Variants in HOXB1 observed in about 807,000 individuals in gnomAD.
HOXB1 encodes homeobox B1.
Under a neutral mutation model 26.9 loss-of-function variants are expected in HOXB1, and 13 were observed. The ratio of observed to expected loss-of-function variants is 0.48; its 90% CI spans 0.31 to 0.77. The LOEUF is 0.77. Ranked by LOEUF, HOXB1 falls within the 30% of genes least tolerant of loss-of-function variation. The pLI, the probability that HOXB1 is intolerant of heterozygous loss-of-function variation, is 0.04. For missense variants in HOXB1, 366 were observed against 403.6 expected (o/e 0.91, Z 0.80); for synonymous variants, 168 against 170.8 (o/e 0.98, Z 0.13).
rs138341371 is a variant in HOXB1, at chr17:48,530,378, G to T, written c.527C>A (p.Thr176Lys). 6.2e-7 allele frequency: 1 copy of T among 1,614,148 alleles called. No individual in the cohort carries two copies. The highest frequency in any genetic ancestry group is 1.3e-5 in the African/African-American group (1 of 75,032). ...CTTCATCCAGTCGAAGGTCCGGGCC[G>T]TGGGGGTGTTAGGTTCTGAAGGGCA... ...TPCPSEPNTP[T>K]ARTFDWMKVK... Residue 176 changes from threonine (T) to lysine (K), a missense_variant, in exon 1 of 2, where the codon ACG becomes AAG. Transcript: ENST00000239174. The surrounding 1 kb of genome is among the most constrained non-coding windows in gnomAD (Gnocchi z 6.2).
Position 48,530,834 on chromosome 17 carries a change from G to A in HOXB1, c.71C>T (p.Ala24Val). 6.4e-7 allele frequency: 1 copy of A among 1,571,588 alleles called. No homozygotes were observed. Among genetic ancestry groups the A allele is most frequent in the Non-Finnish European group, 8.6e-7 (1 of 1,162,430 alleles). Reference sequence around the variant, plus strand: ...GGGAAAGGAGGTTGGGGCGCTGTGGGCGCTGTAGGCGCTGGGTCCCCGGTT... The same window carrying A: ...GGGAAAGGAGGTTGGGGCGCTGTGGACGCTGTAGGCGCTGGGTCCCCGGTT... ...LCNRGPSAYS[A>V]HSAPTSFPPS... is the part of the protein sequence containing the mutation. The change falls in exon 1 of 2, where the codon GCC (alanine) becomes GTC (valine). Residue 24 changes from alanine (A) to valine (V), a missense_variant. Transcript: ENST00000239174. This position sits in a 1 kb window ranked among gnomAD's most constrained non-coding sequence, Gnocchi z 6.2.
chr17:48,530,862 A>C lies in HOXB1; in HGVS notation c.43T>G (p.Cys15Gly). ...CTGTAGGCGCTGGGTCCCCGGTTACAGAGTGGGTACTCTAAGAAGGAGTTC... is the reference window on the plus strand; with the variant it reads ...CTGTAGGCGCTGGGTCCCCGGTTACCGAGTGGGTACTCTAAGAAGGAGTTC... ...RMNSFLEYPL[C>G]NRGPSAYSAH... Residue 15 changes from cysteine (C) to glycine (G), a missense_variant, in exon 1 of 2, where the codon TGT becomes GGT. Coordinates refer to ENST00000239174, the MANE Select transcript of HOXB1 (RefSeq NM_002144.4). This position sits in a 1 kb window ranked among gnomAD's most constrained non-coding sequence, Gnocchi z 6.2. The C allele has an allele frequency of 1.3e-6, 2 of 1,547,080 alleles. No individual in the cohort carries two copies. Among genetic ancestry groups the C allele is most frequent in the Non-Finnish European group, 8.7e-7 (1 of 1,151,278 alleles).
Position 48,530,951 on chromosome 17 carries a change from T to C in HOXB1, c.-47A>G. ...CGGCCCGTTTGGGGGAGACACCCTC[T>C]TGCCCTACAACCTTTCGGCAGTATG... On this transcript the variant is annotated 5_prime_UTR_variant, in exon 1 of 2. Transcript: ENST00000239174. This position sits in a 1 kb window ranked among gnomAD's most constrained non-coding sequence, Gnocchi z 6.2. The C allele has an allele frequency of 1.5e-6, 2 of 1,354,142 alleles. No homozygotes were observed. Among genetic ancestry groups the C allele is most frequent in the Non-Finnish European group, 2.0e-6 (2 of 995,412 alleles). 83.9% of individuals were successfully genotyped at this position (1,354,142 alleles called of 1,614,324 possible).
In HOXB1 at chr17:48,529,859, T is replaced by C. The variant is rs1414538305; in HGVS notation, c.594A>G (p.Pro198=). 6.3e-7 allele frequency: 1 copy of C among 1,584,780 alleles called. No homozygotes were observed. The highest frequency in any genetic ancestry group is 2.2e-5 in the East Asian group (1 of 44,484). The change falls in exon 2 of 2, where the codon CCA becomes CCG. Residue 198 remains proline, a synonymous_variant. Coordinates refer to ENST00000239174, the MANE Select transcript of HOXB1 (RefSeq NM_002144.4). Reference sequence around the variant, plus strand: ...GGAGGCCACTGGGCGAGCCCAGGCCTGGCTCTGACACCTTCGCTAGGGGCG... The same window carrying C: ...GGAGGCCACTGGGCGAGCCCAGGCCCGGCTCTGACACCTTCGCTAGGGGCG... The part of the protein sequence containing the change: ...NPPKTAKVSE[P]GLGSPSGLRT...
rs2068411380 is a variant in HOXB1 at position 48,528,582 on chromosome 17, G to A, written c.*965C>T. On this transcript the variant is annotated 3_prime_UTR_variant, in exon 2 of 2. Transcript: ENST00000239174. ...GTAGTTGCAGGTACAGAGAGAACCC[G>A]GGCTCACTTGGGGCTCAGGTTTCCA... 6.6e-6 allele frequency: 1 copy of A among 152,256 alleles called. No individual in the cohort carries two copies. The allele number at this position is 152,256 out of a possible 1,614,324, so 9.4% of individuals were successfully genotyped here.
chr17:48,529,981 C>A, intron 1 of HOXB1, 106 bp from the exon 2 acceptor site: 1 of 1,013,572 alleles, frequency 9.9e-7, no homozygotes, highest in Non-Finnish European at 1.4e-6. Context: ...CCATTCTGCC[C>A]AAGTACAGTT....
rs769774049 is a variant in HOXB1, at chr17:48,530,849, G to T, written c.56C>A (p.Pro19His). ...FLEYPLCNRG[P>H]SAYSAHSAPT... ...GGCGCTGTGGGCGCTGTAGGCGCTG[G>T]GTCCCCGGTTACAGAGTGGGTACTC... is the stretch of plus-strand genomic sequence containing the variant. The change falls in exon 1 of 2, where the codon CCC (proline) becomes CAC (histidine). Residue 19 changes from proline to histidine, a missense_variant. Coordinates refer to ENST00000239174, the MANE Select transcript of HOXB1 (RefSeq NM_002144.4). The surrounding 1 kb of genome is among the most constrained non-coding windows in gnomAD (Gnocchi z 6.2). The T allele has an allele frequency of 7.2e-7, 1 of 1,390,370 alleles. No individual in the cohort carries two copies. Among genetic ancestry groups the T allele is most frequent in the Non-Finnish European group, 9.9e-7 (1 of 1,014,306 alleles). The allele number at this position is 1,390,370 out of a possible 1,614,324, so 86.1% of individuals were successfully genotyped here.
rs779047774 is a variant in HOXB1, at chr17:48,530,643, C to T, written c.262G>A (p.Ala88Thr). 3.7e-6 allele frequency: 6 copies of T among 1,613,740 alleles called. No individual in the cohort carries two copies. Among genetic ancestry groups the T allele is most frequent in the Non-Finnish European group, 5.1e-6 (6 of 1,179,994 alleles). ...GAAGGCCCGTAGCTGGGGCTGCAGG[C>T]GGCAGGAGCATACCCCGAGGGCGCG... ...SSAPSGYAPA[A>T]CSPSYGPSQY... Residue 88 changes from alanine (A) to threonine (T), a missense_variant, in exon 1 of 2, where the codon GCC becomes ACC. By Grantham distance (58) the Ala-to-Thr change is moderately conservative. Transcript: ENST00000239174. The surrounding 1 kb of genome is among the most constrained non-coding windows in gnomAD (Gnocchi z 6.2).
At chr17:48,529,956 C>G (rs2068424562) in intron 1 of HOXB1, 81 bp from the exon 2 acceptor site, 2 of 1,255,116 alleles carry the variant, frequency 1.6e-6, no homozygotes, top group Admixed American at 2.2e-5. Context: ...GGGGCTGGCT[C>G]TGGACCTCCA....
Position 48,530,755 on chromosome 17 carries a change from C to G in HOXB1, c.150G>C (p.Gly50=). 1 of 1,610,880 alleles carries G rather than the reference C, an allele frequency of 6.2e-7. No homozygotes were observed. The highest frequency in any genetic ancestry group is 8.5e-7 in the Non-Finnish European group (1 of 1,178,402). ...DSYASEGRYG[G]GLSSPAFQQN... is the part of the protein sequence containing the mutation. ...GCTGAAACGCAGGGCTGGACAGCCC[C>G]CCACCGTAGCGGCCCTCGCTTGCAT... The change falls in exon 1 of 2, where the codon GGG becomes GGC. Residue 50 remains glycine (G), a synonymous_variant. Transcript: ENST00000239174. The surrounding 1 kb of genome is among the most constrained non-coding windows in gnomAD (Gnocchi z 6.2).
Position 48,529,852 on chromosome 17 carries a change from C to A in HOXB1, c.601G>T (p.Gly201Cys). The change falls in exon 2 of 2, where the codon GGC becomes TGC. Residue 201 changes from glycine to cysteine, a missense_variant. Coordinates refer to ENST00000239174, the MANE Select transcript of HOXB1 (RefSeq NM_002144.4). ...TTGGTGCGGAGGCCACTGGGCGAGCCCAGGCCTGGCTCTGACACCTTCGCT... is the reference window on the plus strand; with the variant it reads ...TTGGTGCGGAGGCCACTGGGCGAGCACAGGCCTGGCTCTGACACCTTCGCT... ...KTAKVSEPGL[G>C]SPSGLRTNFT... 1 of 1,588,914 alleles carries A rather than the reference C, an allele frequency of 6.3e-7. No homozygotes were observed. Among genetic ancestry groups the A allele is most frequent in the South Asian group, 1.1e-5 (1 of 90,444 alleles).
Position 48,530,227 on chromosome 17 carries a change from G to A in HOXB1, c.577+101C>T, listed in dbSNP as rs1410485752. On this transcript the variant is annotated intron_variant, in intron 1 of 1. Transcript: ENST00000239174. This position sits in a 1 kb window ranked among gnomAD's most constrained non-coding sequence, Gnocchi z 6.2. ...GCTCTTACCTGTGTCTACCAGAGCC[G>A]CTGAAAGAGAAGAACCCAGCCCAGA... 3 of 1,049,218 alleles carry A rather than the reference G, an allele frequency of 2.9e-6. No homozygotes were observed. Among genetic ancestry groups the A allele is most frequent in the East Asian group, 5.2e-5 (2 of 38,700 alleles). 65.0% of individuals were successfully genotyped at this position (1,049,218 alleles called of 1,614,324 possible). A position where few individuals can be genotyped will look rare whatever the true frequency, so the allele number is the denominator to read the frequency against.
chr17:48,530,561 C>A lies in HOXB1; in HGVS notation c.344G>T (p.Ser115Ile), dbSNP rs572890821. The A allele has an allele frequency of 1.9e-6, 3 of 1,614,138 alleles. No homozygotes were observed. The East Asian group carries it at 6.7e-5, about 36-fold the overall frequency. Residue 115 changes from serine to isoleucine, a missense_variant, in exon 1 of 2, where the codon AGC (serine) becomes ATC (isoleucine). By Grantham distance (142) the Ser-to-Ile change is moderately radical. Coordinates refer to ENST00000239174, the MANE Select transcript of HOXB1 (RefSeq NM_002144.4). The surrounding 1 kb of genome is among the most constrained non-coding windows in gnomAD (Gnocchi z 6.2). The part of the protein sequence containing the change: ...EGDGGYFHPS[S>I]YGAQLGGLSD... ...CAAGCCCCCTAGCTGGGCCCCGTAG[C>A]TCGAGGGATGAAAATAGCCTCCGTC...
rs760591233 is a variant in HOXB1, at chr17:48,530,521, T to C, written c.384A>G (p.Gly128=). ...ATGGCCCCGGACCGGCTCCACCTGC[T>C]CCGTAGCCATCGGACAAGCCCCCTA... is the stretch of plus-strand genomic sequence containing the variant. The part of the protein sequence containing the change: ...AQLGGLSDGY[G]AGGAGPGPYP... Residue 128 remains glycine (G), a synonymous_variant, in exon 1 of 2, where the codon GGA becomes GGG. Transcript: ENST00000239174. The surrounding 1 kb of genome is among the most constrained non-coding windows in gnomAD (Gnocchi z 6.2). 18 of 1,614,018 alleles carry C rather than the reference T, an allele frequency of 1.1e-5. No homozygotes were observed. The highest frequency in any genetic ancestry group is 1.6e-4 in the Middle Eastern group (1 of 6,062).
rs749227419 is a variant in HOXB1 at position 48,529,645 on chromosome 17, G to A, written c.808C>T (p.Pro270Ser). Residue 270 changes from proline (P) to serine (S), a missense_variant, in exon 2 of 2, where the codon CCA (proline) becomes TCA (serine). Physicochemically the swap from Pro to Ser is moderately conservative, Grantham distance 74. Coordinates refer to ENST00000239174, the MANE Select transcript of HOXB1 (RefSeq NM_002144.4). ...TCCTTGGGGCAGCCTGGTGGGGCTGGGGGGACCCGACCTTCCTCTCGCTCG... is the reference window on the plus strand; with the variant it reads ...TCCTTGGGGCAGCCTGGTGGGGCTGAGGGGACCCGACCTTCCTCTCGCTCG... ...KREREEGRVP[P>S]APPGCPKEAA... The A allele has an allele frequency of 6.2e-7, 1 of 1,608,940 alleles. No individual in the cohort carries two copies. Among genetic ancestry groups the A allele is most frequent in the East Asian group, 2.2e-5 (1 of 44,722 alleles).
chr17:48,530,149 G>T lies in HOXB1; in HGVS notation c.577+179C>A. The T allele has an allele frequency of 1.5e-6, 1 of 647,642 alleles. No homozygotes were observed. The highest frequency in any genetic ancestry group is 1.9e-5 in the South Asian group (1 of 52,504). 40.1% of individuals were successfully genotyped at this position (647,642 alleles called of 1,614,324 possible). On this transcript the variant is annotated intron_variant, in intron 1 of 1. Transcript: ENST00000239174. The surrounding 1 kb of genome is among the most constrained non-coding windows in gnomAD (Gnocchi z 6.2). ...GTGTATGGAAACTTACTCCTGGGGT[G>T]ACCGGTTACATACTGGGTGGGGAGA...
Position 48,530,694 on chromosome 17 carries a change from T to G in HOXB1, c.211A>C (p.Thr71Pro). The G allele has an allele frequency of 6.2e-7, 1 of 1,612,772 alleles. No individual in the cohort carries two copies. The highest frequency in any genetic ancestry group is 8.5e-7 in the Non-Finnish European group (1 of 1,179,540). Reference protein sequence around the residue: ...SGYPAQQPPSTLGVPFPSSAP... With the variant: ...SGYPAQQPPSPLGVPFPSSAP... ...GAGCTGGGGAAGGGCACCCCCAGGG[T>G]CGAAGGCGGCTGCTGGGCGGGATAG... The change falls in exon 1 of 2, where the codon ACC (threonine) becomes CCC (proline). Residue 71 changes from threonine (T) to proline (P), a missense_variant. Coordinates refer to ENST00000239174, the MANE Select transcript of HOXB1 (RefSeq NM_002144.4). This position sits in a 1 kb window ranked among gnomAD's most constrained non-coding sequence, Gnocchi z 6.2.
At position 48,530,987 on chromosome 17, in the gene HOXB1, G is replaced by A. The variant is rs2068436016; in HGVS notation, c.-83C>T. On this transcript the variant is annotated 5_prime_UTR_variant, in exon 1 of 2. Transcript: ENST00000239174. The surrounding 1 kb of genome is among the most constrained non-coding windows in gnomAD (Gnocchi z 6.2). ...CCTTTCGGCAGTATGTCACAGCGCT[G>A]GGGCTCGAATCCATGGCCTGACCCG... The A allele has an allele frequency of 9.8e-7, 1 of 1,016,938 alleles. No homozygotes were observed. The highest frequency in any genetic ancestry group is 1.7e-5 in the South Asian group (1 of 59,724). The allele number at this position is 1,016,938 out of a possible 1,614,324, so 63.0% of individuals were successfully genotyped here.
rs2068435631 is a variant in HOXB1 at position 48,530,940 on chromosome 17, G to A, written c.-36C>T. On this transcript the variant is annotated 5_prime_UTR_variant, in exon 1 of 2. Transcript: ENST00000239174. This position sits in a 1 kb window ranked among gnomAD's most constrained non-coding sequence, Gnocchi z 6.2. Reference sequence around the variant, plus strand: ...CGCAGGAGGGTCGGCCCGTTTGGGGGAGACACCCTCTTGCCCTACAACCTT... The same window carrying A: ...CGCAGGAGGGTCGGCCCGTTTGGGGAAGACACCCTCTTGCCCTACAACCTT... 7.1e-7 allele frequency: 1 copy of A among 1,418,008 alleles called. No individual in the cohort carries two copies. The highest frequency in any genetic ancestry group is 1.4e-5 in the South Asian group (1 of 72,464). 87.8% of individuals were successfully genotyped at this position (1,418,008 alleles called of 1,614,324 possible).
Sources: gnomAD v4.1 joint callset for allele counts on GRCh38, gnomAD v4.1.1 for gene constraint, Gnocchi (gnomAD v3.1) non-coding constraint, MANE v1.5 for transcripts, NCBI Gene and HGNC (gene_info 2026-07-23, HGNC 2026-07-21) for gene names.